WDR47: variants seen among roughly 807,000 people sequenced by gnomAD.
The protein encoded by WDR47 is WD repeat-containing protein 47.
WDR47 carries 32 observed loss-of-function variants against 97.2 expected under a neutral mutation model. The ratio of observed to expected loss-of-function variants is 0.33; its 90% CI spans 0.25 to 0.44. The LOEUF (loss-of-function observed/expected upper bound fraction) is 0.44. Ranked by LOEUF, WDR47 falls within the 20% of genes least tolerant of loss-of-function variation. The pLI is 1.00. For missense variants in WDR47, 782 were observed against 1,102.3 expected (o/e 0.71, Z 4.11); for synonymous variants, 375 against 373.5 (o/e 1.00, Z -0.05).
Position 109,010,980 on chromosome 1 carries a change from G to A in WDR47, c.1066C>T (p.Leu356Phe). The change falls in exon 5 of 15, where the codon CTC becomes TTC. Residue 356 changes from leucine (L) to phenylalanine (F), a missense_variant. Coordinates refer to ENST00000369962, the MANE Select transcript of WDR47 (RefSeq NM_001142551.2). ...TTCTCAAGCATGAGACTTCTACTGAGGTTTTGTACCCCTGGATAATGGAAG... is the reference window on the plus strand; with the variant it reads ...TTCTCAAGCATGAGACTTCTACTGAAGTTTTGTACCCCTGGATAATGGAAG... Reference protein sequence around the residue: ...ANFHYPGVQNLSRSLMLENTE... With the variant: ...ANFHYPGVQNFSRSLMLENTE... The A allele has an allele frequency of 6.2e-7, 1 of 1,614,124 alleles. No homozygotes were observed. Among genetic ancestry groups the A allele is most frequent in the African/African-American group, 1.3e-5 (1 of 75,028 alleles).
At chr1:108,997,753 C>T (rs561940347) in intron 7 of WDR47, among the ~76,000 whole-genome samples, 174 of 75,896 alleles carry the variant, frequency 2.3e-3, no homozygotes, top group Middle Eastern at 0.015. Context: ...GAGCAAGACT[C>T]CATCTCAAAA....
intron 14 of WDR47, among the ~76,000 whole-genome samples, chr1:108,973,160 A>C (rs532053677): frequency 6.6e-6 from 1 of 151,828 alleles, no homozygotes; most frequent in East Asian, 1.9e-4. Flanking sequence ...TCTCTATGCA[A>C]ATGGCATTTC....
At chr1:109,031,796 T>TTTC (rs1491287933) in intron 1 of WDR47, among the ~76,000 whole-genome samples, 263 of 13,914 alleles carry the variant, frequency 0.019, 5 homozygotes, top group Non-Finnish European at 0.029. Context: ...TCTTTCTTTC[T>TTTC]TTTTTTTTTT....
At chr1:108,990,673 G>A (rs1659257050) in intron 9 of WDR47, among the ~76,000 whole-genome samples, 1 of 151,922 alleles carries the variant, frequency 6.6e-6, no homozygotes, top group African/African-American at 2.4e-5. Context: ...TTTGTTTATG[G>A]GGTTAAAATC....
intron 3 of WDR47, among the ~76,000 whole-genome samples, chr1:109,015,044 T>C (rs1661314938): frequency 6.6e-6 from 1 of 151,756 alleles, no homozygotes; most frequent in East Asian, 1.9e-4. Flanking sequence ...AGGTGGAAAG[T>C]TAACAAAAAA....
chr1:108,973,058 C>A (rs759573080), intron 14 of WDR47, among the ~76,000 whole-genome samples: 1 of 151,930 alleles, frequency 6.6e-6, no homozygotes, highest in Non-Finnish European at 1.5e-5. Context: ...GTGTCATGAA[C>A]GTGCTAAGCT....
Position 108,983,762 on chromosome 1 carries a change from A to G in WDR47, c.1926-311T>C, listed in dbSNP as rs1034889308. On this transcript the variant is annotated intron_variant, in intron 10 of 14. Coordinates refer to ENST00000369962, the MANE Select transcript of WDR47 (RefSeq NM_001142551.2). ...AAACTCAGAAACAAAAAAAATTAAA[A>G]AAGCTAACAATGCTTCCAAATTTAA... 5.6e-5 allele frequency among the ~76,000 whole-genome samples: 8 copies of G among 143,212 alleles called. No homozygotes were observed. In the South Asian group the frequency reaches 1.4e-3, roughly 25 times the overall value. 94.0% of individuals were successfully genotyped at this position (143,212 alleles called of 152,430 possible).
rs1169869748 is a variant in WDR47, at chr1:108,988,268, G to A, written c.1768-1588C>T. Reference sequence around the variant, plus strand: ...GCACCAAGAAGGAAGGAAAGAATAAGTATGCATTCCTATATTAAGTTCTCT... The same window carrying A: ...GCACCAAGAAGGAAGGAAAGAATAAATATGCATTCCTATATTAAGTTCTCT... On this transcript the variant is annotated intron_variant, in intron 9 of 14. Transcript: ENST00000369962. 3.5e-5 allele frequency among the ~76,000 whole-genome samples: 5 copies of A among 144,726 alleles called. No homozygotes were observed. In the East Asian group the frequency reaches 1.0e-3, roughly 30 times the overall value. 94.9% of individuals were successfully genotyped at this position (144,726 alleles called of 152,430 possible).
intron 7 of WDR47, among the ~76,000 whole-genome samples, chr1:109,001,751 G>A (rs943916097): frequency 1.3e-5 from 2 of 152,100 alleles, no homozygotes; most frequent in Admixed American, 6.6e-5. Flanking sequence ...AATTAGCTGG[G>A]TGTGGTGGTA....
intron 10 of WDR47, among the ~76,000 whole-genome samples, chr1:108,984,097 G>A (rs535048023): frequency 4.8e-4 from 73 of 152,260 alleles, no homozygotes; most frequent in African/African-American, 1.7e-3. Flanking sequence ...GAAAGAGTCT[G>A]TGGGGCTAGC....
intron 1 of WDR47, among the ~76,000 whole-genome samples, chr1:109,028,368 T>TTG (rs1168354679): frequency 1.5e-5 from 2 of 132,388 alleles, no homozygotes; most frequent in Non-Finnish European, 3.2e-5. Flanking sequence ...TTGGGTTTTT[T>TTG]TTTTTTTTTT....
chr1:108,974,551 C>T lies in WDR47; in HGVS notation c.2602G>A (p.Val868Met), dbSNP rs752386856. 1.9e-6 allele frequency: 3 copies of T among 1,613,908 alleles called. No individual in the cohort carries two copies. The highest frequency in any genetic ancestry group is 3.3e-5 in the Admixed American group (2 of 59,990). ...LTGSYDMKIK[V>M]TDLQGDLTKQ... ...TCTCAATCACCTTGTAGGTCTGTCA[C>T]CTTTATTTTCATATCATAAGAGCCT... Residue 868 changes from valine to methionine, a missense_variant, in exon 14 of 15, where the codon GTG becomes ATG. Transcript: ENST00000369962.
chr1:108,994,611 AC>A (rs34424962), intron 8 of WDR47, among the ~76,000 whole-genome samples: 10,554 of 152,046 alleles, frequency 0.069, 473 homozygotes, highest in Middle Eastern at 0.13. Context: ...ATCAAGAGAA[AC>A]AGCCAAATGG....
rs1225365627 is a variant in WDR47, at chr1:109,018,483, A to G, written c.159-882T>C. 2.0e-5 allele frequency among the ~76,000 whole-genome samples: 3 copies of G among 151,198 alleles called. No homozygotes were observed. The East Asian group carries it at 5.9e-4, about 29-fold the overall frequency. On this transcript the variant is annotated intron_variant, in intron 2 of 14. Transcript: ENST00000369962. ...TAAGCTTTAAAGTTCCTATATTTCC[A>G]TATTCATCTTACAGTTTTAAAGCTA...
chr1:109,007,221 CAAAA>C (rs542534921), intron 5 of WDR47, among the ~76,000 whole-genome samples: 1 of 92,024 alleles, frequency 1.1e-5, no homozygotes, highest in Non-Finnish European at 2.3e-5. Flanking sequence ...AATGTATACT[CAAAA>C]AAAAAAAAAA....
chr1:108,984,887 C>CA (rs993438939), intron 10 of WDR47, among the ~76,000 whole-genome samples: 37 of 151,620 alleles, frequency 2.4e-4, no homozygotes, highest in African/African-American at 7.0e-4. Context: ...AAAACAAAAA[C>CA]AAAAAAAACC....
intron 5 of WDR47, among the ~76,000 whole-genome samples, chr1:109,006,233 AAAAATAC>A (rs1478434502): frequency 6.6e-6 from 1 of 152,102 alleles, no homozygotes; most frequent in Non-Finnish European, 1.5e-5. Flanking sequence ...CGTCTCTACT[AAAAATAC>A]AAAATTAGCC....
At chr1:109,037,443 A>G (rs1442993847) in intron 1 of WDR47, among the ~76,000 whole-genome samples, 1 of 151,788 alleles carries the variant, frequency 6.6e-6, no homozygotes, top group South Asian at 2.1e-4. Context: ...TCGAGACCAC[A>G]GTGAAACCCT....
intron 1 of WDR47, among the ~76,000 whole-genome samples, chr1:109,037,938 T>G (rs1323253024): frequency 6.6e-6 from 1 of 152,038 alleles, no homozygotes; most frequent in Non-Finnish European, 1.5e-5. Flanking sequence ...GCTCAAGTGA[T>G]TCTCTCACCT....
Sources: allele counts gnomAD v4.1 joint callset (sites outside exome capture counted in the v4.1 genomes callset), GRCh38; gene constraint gnomAD v4.1.1; transcripts MANE v1.5; gene names NCBI Gene and HGNC (gene_info 2026-07-23, HGNC 2026-07-21).